Variants in PTPRD observed in about 807,000 individuals in gnomAD.
PTPRD encodes protein tyrosine phosphatase receptor type D.
In PTPRD, 34 loss-of-function variants were observed where a neutral mutation model predicts 214.5. That is an observed-to-expected ratio of 0.16 (90% CI 0.12 to 0.21). The LOEUF is 0.21. PTPRD is among the 10% of genes least tolerant of loss of function. The pLI, the probability that PTPRD is intolerant of heterozygous loss-of-function variation, is 1.00. For missense variants in PTPRD, 2,545 were observed against 2,398.7 expected (o/e 1.06, Z -1.27); for synonymous variants, 1,128 against 845.7 (o/e 1.33, Z -5.79).
intron 4 of PTPRD, among the ~76,000 whole-genome samples, chr9:9,991,363 T>C (rs989060941): frequency 6.6e-6 from 1 of 151,634 alleles, no homozygotes. Context: ...AAATATACTT[T>C]TTTTTTTCTT....
chr9:9,560,850 C>T (rs2082739078), intron 8 of PTPRD, among the ~76,000 whole-genome samples: 1 of 152,276 alleles, frequency 6.6e-6, no homozygotes, highest in South Asian at 2.1e-4. Context: ...CAGCTGCCCC[C>T]ATGCACAGCT....
chr9:10,211,590 G>A (rs116500143), intron 3 of PTPRD, among the ~76,000 whole-genome samples: 1,829 of 152,262 alleles, frequency 0.012, 30 homozygotes, highest in African/African-American at 0.037. Context: ...GAACACAGCA[G>A]AGGAACTCGT....
intron 3 of PTPRD, among the ~76,000 whole-genome samples, chr9:10,302,820 CTG>C: frequency 6.6e-6 from 1 of 152,284 alleles, no homozygotes; most frequent in South Asian, 2.1e-4. Context: ...TAGTGGGAAA[CTG>C]TAACACCCCA....
intron 6 of PTPRD, among the ~76,000 whole-genome samples, chr9:9,766,461 TAC>T (rs1453821981): frequency 4.6e-5 from 7 of 152,234 alleles, no homozygotes; most frequent in Admixed American, 1.3e-4. Flanking sequence ...TAATTTAATT[TAC>T]ATATGTCCTA....
chr9:9,628,698 A>G (rs1400681604), intron 7 of PTPRD, among the ~76,000 whole-genome samples: 3 of 152,142 alleles, frequency 2.0e-5, no homozygotes. Context: ...AGTAATCTTA[A>G]GAGGCAAGTG....
At chr9:9,271,938 T>C (rs956839333) in intron 9 of PTPRD, among the ~76,000 whole-genome samples, 12 of 151,422 alleles carry the variant, frequency 7.9e-5, no homozygotes, top group African/African-American at 2.7e-4. Flanking sequence ...TCATTGTTTA[T>C]AGAGATACAA....
intron 3 of PTPRD, among the ~76,000 whole-genome samples, chr9:10,240,115 A>G (rs1238095057): frequency 3.9e-5 from 6 of 151,994 alleles, no homozygotes; most frequent in Non-Finnish European, 8.8e-5. Context: ...TAGATTATAT[A>G]CTTTTTGTAT....
chr9:8,946,217 G>GT (rs945245805), intron 11 of PTPRD, among the ~76,000 whole-genome samples: 18 of 152,122 alleles, frequency 1.2e-4, no homozygotes, highest in South Asian at 6.2e-4. Flanking sequence ...ACAATTACTT[G>GT]TTTTTTTGTT....
intron 8 of PTPRD, among the ~76,000 whole-genome samples, chr9:9,430,025 C>A (rs1318615960): frequency 6.6e-6 from 1 of 152,108 alleles, no homozygotes; most frequent in Non-Finnish European, 1.5e-5. Context: ...CACTCCTATT[C>A]AACATAGTGT....
intron 8 of PTPRD, among the ~76,000 whole-genome samples, chr9:9,426,681 C>G (rs1362545386): frequency 3.3e-5 from 5 of 152,112 alleles, no homozygotes; most frequent in African/African-American, 7.2e-5. Context: ...GACACCTCAT[C>G]TGGCTGGGTG....
chr9:9,469,137 A>G (rs1420426767), intron 8 of PTPRD, among the ~76,000 whole-genome samples: 2 of 152,168 alleles, frequency 1.3e-5, no homozygotes, highest in South Asian at 4.1e-4. Context: ...TATGAAAAGA[A>G]TATATGAAAT....
chr9:9,565,867 T>G (rs186336315), intron 8 of PTPRD, among the ~76,000 whole-genome samples: 1 of 151,932 alleles, frequency 6.6e-6, no homozygotes, highest in South Asian at 2.1e-4. Flanking sequence ...ATGAGATAAA[T>G]GAAAATGACC....
intron 2 of PTPRD, among the ~76,000 whole-genome samples, chr9:10,499,468 T>C (rs2043029919): frequency 6.6e-6 from 1 of 151,964 alleles, no homozygotes; most frequent in African/African-American, 2.4e-5. Context: ...TACCGGACAG[T>C]TCATGTTTTC....
rs553447897 is a variant in PTPRD, at chr9:9,821,882, G to C, written c.-367-55031C>G. ...TGCATGTGCATGCCTGTATATGTAT[G>C]TGTGCATGACTGAATACTTTCCTTG... On this transcript the variant is annotated intron_variant, in intron 5 of 45. Transcript: ENST00000381196. Among the ~76,000 whole-genome samples, 3 of 150,462 alleles carry C rather than the reference G, an allele frequency of 2.0e-5. No homozygotes were observed. The East Asian group carries it at 5.8e-4, about 29-fold the overall frequency.
At chr9:9,890,207 T>C (rs993682379) in intron 5 of PTPRD, among the ~76,000 whole-genome samples, 12 of 152,124 alleles carry the variant, frequency 7.9e-5, no homozygotes, top group African/African-American at 2.9e-4. Flanking sequence ...TTAACATTTT[T>C]ATTTTTTTGA....
At chr9:8,651,618 A>T (rs2096811265) in intron 12 of PTPRD, among the ~76,000 whole-genome samples, 1 of 152,222 alleles carries the variant, frequency 6.6e-6, no homozygotes, top group South Asian at 2.1e-4. Flanking sequence ...TTTCCATGAC[A>T]GCATTTTAAA....
At chr9:8,484,871 A>G (rs945867849) in intron 29 of PTPRD, among the ~76,000 whole-genome samples, 1 of 152,192 alleles carries the variant, frequency 6.6e-6, no homozygotes, top group Admixed American at 6.5e-5. Flanking sequence ...ATACAGGCCA[A>G]CAAACAAATT....
chr9:10,133,306 C>T (rs1418935899), intron 3 of PTPRD, among the ~76,000 whole-genome samples: 2 of 152,164 alleles, frequency 1.3e-5, no homozygotes, highest in Non-Finnish European at 2.9e-5. Context: ...AGAAAAAAAG[C>T]TGATGGGGAA....
intron 2 of PTPRD, among the ~76,000 whole-genome samples, chr9:10,405,934 A>T (rs2098348532): frequency 6.6e-6 from 1 of 151,516 alleles, no homozygotes; most frequent in South Asian, 2.1e-4. Context: ...GTTCTACAGC[A>T]TATTAATGCT....
Sources: gnomAD v4.1 joint callset for allele counts (sites outside exome capture counted in the v4.1 genomes callset) on GRCh38, gnomAD v4.1.1 for gene constraint, MANE v1.5 for transcripts, NCBI Gene and HGNC (gene_info 2026-07-23, HGNC 2026-07-21) for gene names.